The following UCHL5 variants were observed in gnomAD, a reference collection of about 807,000 sequenced individuals.
UCHL5 encodes ubiquitin C-terminal hydrolase L5.
In UCHL5, 34 loss-of-function variants were observed where a neutral mutation model predicts 53.8. The observed-to-expected ratio is 0.63, with a 90% CI of 0.48 to 0.84. The LOEUF (loss-of-function observed/expected upper bound fraction) is 0.84, where lower values mean the gene tolerates loss of function less well. UCHL5 is among the 40% of genes least tolerant of loss of function. The pLI is 0.00. For missense variants in UCHL5, 290 were observed against 385.6 expected, an observed-to-expected ratio of 0.75 and a Z score of 2.08; for synonymous variants, 111 against 126.3, an observed-to-expected ratio of 0.88 and a Z score of 0.81.
chr1:193,018,759 A>G (rs1655782809), intron 10 of UCHL5: 3 of 1,528,586 alleles, frequency 2.0e-6, no homozygotes, highest in Non-Finnish European at 2.6e-6. Context: ...TGGTGCAGCC[A>G]TATCTTTCCT....
At chr1:193,056,392 T>C (rs1192662334) in intron 1 of UCHL5, among the ~76,000 whole-genome samples, 1 of 152,186 alleles carries the variant, frequency 6.6e-6, no homozygotes, top group Non-Finnish European at 1.5e-5. Flanking sequence ...TTTCCTGTCA[T>C]CTGCTTACTC....
Position 193,029,337 on chromosome 1 carries a change from T to C in UCHL5, c.435-28A>G, listed in dbSNP as rs774630516. The stretch of plus-strand genomic sequence containing the variant: ...ACAGTAAATAAAAAAATAGTGAAAC[T>C]CAAAGAAGCAAAGAAAGAAACAGTA... On this transcript the variant is annotated intron_variant, in intron 5 of 10. Coordinates refer to ENST00000367454, the MANE Select transcript of UCHL5 (RefSeq NM_001199261.3). 5 of 1,613,090 alleles carry C rather than the reference T, an allele frequency of 3.1e-6. No homozygotes were observed. The East Asian group carries it at 8.9e-5, about 29-fold the overall frequency.
At chr1:193,047,714 G>C (rs1446076450) in intron 3 of UCHL5, among the ~76,000 whole-genome samples, 1 of 152,116 alleles carries the variant, frequency 6.6e-6, no homozygotes. Context: ...GAATCCCTAA[G>C]ACCCTTTTCA....
At position 193,012,972 on chromosome 1, in the gene UCHL5, A is replaced by G. The variant is rs1307310604; in HGVS notation, c.*3379T>C. ...GATTTAGGCCAGTTAACAATATACT[A>G]AAGAACAAACTAAATAACATGCATG... On this transcript the variant is annotated 3_prime_UTR_variant, in exon 11 of 11. Coordinates refer to ENST00000367454, the MANE Select transcript of UCHL5 (RefSeq NM_001199261.3). The G allele has an allele frequency of 6.6e-6, 1 of 152,222 alleles. No individual in the cohort carries two copies. Among genetic ancestry groups the G allele is most frequent in the East Asian group, 1.9e-4 (1 of 5,198 alleles). 9.4% of individuals were successfully genotyped at this position (152,222 alleles called of 1,614,324 possible). A position where few individuals can be genotyped will look rare whatever the true frequency, so the allele number is the denominator to read the frequency against.
rs934067166 is a variant in UCHL5 at position 193,014,570 on chromosome 1, A to G, written c.*1781T>C. 1 of 152,122 alleles carries G rather than the reference A, an allele frequency of 6.6e-6. No individual in the cohort carries two copies. The highest frequency in any genetic ancestry group is 1.5e-5 in the Non-Finnish European group (1 of 68,004). The allele number at this position is 152,122 out of a possible 1,614,324, so 9.4% of individuals were successfully genotyped here. On this transcript the variant is annotated 3_prime_UTR_variant, in exon 11 of 11. Transcript: ENST00000367454. ...CATCTGTTTTCAGTTAAAAAGCTTCATACTTTTAAAATATTACATTTAGGT... is the reference window on the plus strand; with the variant it reads ...CATCTGTTTTCAGTTAAAAAGCTTCGTACTTTTAAAATATTACATTTAGGT...
chr1:193,046,313 G>A (rs1467617902), intron 3 of UCHL5, among the ~76,000 whole-genome samples: 1 of 152,050 alleles, frequency 6.6e-6, no homozygotes, highest in Non-Finnish European at 1.5e-5. Context: ...TTACAAACAT[G>A]AGCCACCATG....
At chr1:193,025,400 C>T (rs959479669) in intron 7 of UCHL5, among the ~76,000 whole-genome samples, 1 of 152,150 alleles carries the variant, frequency 6.6e-6, no homozygotes, top group Non-Finnish European at 1.5e-5. Flanking sequence ...TTCATCCCTG[C>T]CATGTGGTAA....
At chr1:193,029,070 C>T in intron 6 of UCHL5, 109 bp downstream of exon 6, 3 of 1,322,242 alleles carry the variant, frequency 2.3e-6, no homozygotes, top group Non-Finnish European at 3.1e-6. Context: ...TATTATGTTA[C>T]CTCATAGTCA....
chr1:193,049,035 C>T (rs1399509713), intron 3 of UCHL5, among the ~76,000 whole-genome samples: 1 of 152,002 alleles, frequency 6.6e-6, no homozygotes, highest in Non-Finnish European at 1.5e-5. Flanking sequence ...ACCACAGGCA[C>T]GCCACCACCA....
At chr1:193,055,817 T>G (rs1214818226) in intron 1 of UCHL5, among the ~76,000 whole-genome samples, 1 of 152,246 alleles carries the variant, frequency 6.6e-6, no homozygotes, top group Non-Finnish European at 1.5e-5. Context: ...ACATTTAAGT[T>G]AATGATGGAT....
intron 3 of UCHL5, among the ~76,000 whole-genome samples, chr1:193,045,393 T>C (rs1197260675): frequency 4.6e-5 from 7 of 152,218 alleles, no homozygotes; most frequent in African/African-American, 9.6e-5. Context: ...GGATCCCTTA[T>C]GAATGGCTTA....
chr1:193,042,815 C>G (rs748401250), intron 3 of UCHL5, among the ~76,000 whole-genome samples: 1 of 152,140 alleles, frequency 6.6e-6, no homozygotes, highest in African/African-American at 2.4e-5. Flanking sequence ...CCTAAAATAC[C>G]CTGTAAGATC....
At chr1:193,023,270 A>G (rs1657843878) in intron 8 of UCHL5, among the ~76,000 whole-genome samples, 1 of 152,146 alleles carries the variant, frequency 6.6e-6, no homozygotes, top group South Asian at 2.1e-4. Context: ...GCTGTAATAT[A>G]CTCTATTGCC....
intron 3 of UCHL5, among the ~76,000 whole-genome samples, chr1:193,031,858 T>C (rs1485373311): frequency 6.6e-6 from 1 of 152,212 alleles, no homozygotes; most frequent in African/African-American, 2.4e-5. Flanking sequence ...GTATGAATTA[T>C]TTAGGTAGTT....
At chr1:193,027,881 G>T in intron 7 of UCHL5, 1 of 1,467,374 alleles carries the variant, frequency 6.8e-7, no homozygotes, top group Non-Finnish European at 9.0e-7. Context: ...CTACCACTTT[G>T]GGAGGTCGAG....
chr1:193,052,818 C>G (rs932313469), intron 1 of UCHL5, among the ~76,000 whole-genome samples: 28 of 152,166 alleles, frequency 1.8e-4, no homozygotes, highest in African/African-American at 6.5e-4. Flanking sequence ...TTTTTATGTC[C>G]TCTACATAAA....
At chr1:193,035,949 T>C (rs1558082953) in intron 3 of UCHL5, among the ~76,000 whole-genome samples, 1 of 152,014 alleles carries the variant, frequency 6.6e-6, no homozygotes, top group Non-Finnish European at 1.5e-5. Context: ...TATGTATATG[T>C]TTTGTAAGCT....
At chr1:193,057,941 CAAT>C (rs1372289072) in intron 1 of UCHL5, among the ~76,000 whole-genome samples, 1 of 152,180 alleles carries the variant, frequency 6.6e-6, no homozygotes. Context: ...GAAAATTTCC[CAAT>C]CCTTGGGTGG....
intron 10 of UCHL5, among the ~76,000 whole-genome samples, chr1:193,019,023 T>G (rs1325343814): frequency 4.0e-5 from 6 of 151,656 alleles, no homozygotes; most frequent in Non-Finnish European, 8.9e-5. Flanking sequence ...GAAAATGATA[T>G]TTTAATATGG....
Sources: allele counts gnomAD v4.1 joint callset (sites outside exome capture counted in the v4.1 genomes callset), GRCh38; gene constraint gnomAD v4.1.1; transcripts MANE v1.5; gene names NCBI Gene and HGNC (gene_info 2026-07-23, HGNC 2026-07-21).